The following RALGPS1 variants were observed in gnomAD, a reference collection of about 807,000 sequenced individuals.
RALGPS1 encodes the protein Ral GEF with PH domain and SH3 binding motif 1, also known as ras-specific guanine nucleotide-releasing factor RalGPS1.
A neutral mutation model predicts 78.8 loss-of-function variants in RALGPS1; 19 were observed. The observed-to-expected ratio is 0.24, with a 90% CI of 0.17 to 0.35. The LOEUF is 0.35. Among genes scored for constraint, RALGPS1 ranks in the 10% least tolerant of loss-of-function variants. The pLI is 1.00. For synonymous variants in RALGPS1, 228 were observed against 256.3 expected (o/e 0.89, Z 1.06); for missense variants, 454 against 688.3 (o/e 0.66, Z 3.81).
intron 8 of RALGPS1, among the ~76,000 whole-genome samples, chr9:127,075,922 A>G (rs777844387): frequency 6.6e-6 from 1 of 152,224 alleles, no homozygotes; most frequent in African/African-American, 2.4e-5. Flanking sequence ...TACTAACCAC[A>G]TGGGTGTGAT....
At chr9:127,087,554 A>G (rs2051909910) in intron 8 of RALGPS1, 1 of 152,602 alleles carries the variant, frequency 6.6e-6, no homozygotes, top group Admixed American at 6.5e-5. Flanking sequence ...CCCACCGGGA[A>G]GGGTCTCACC....
At chr9:127,174,681 G>A (rs1588332008) in intron 10 of RALGPS1, 34 bp from the exon 11 acceptor site, 1 of 1,604,284 alleles carries the variant, frequency 6.2e-7, no homozygotes, top group African/African-American at 1.3e-5. Flanking sequence ...GTAAACCAGA[G>A]CCCATCTGAT....
Position 127,026,514 on chromosome 9 carries a change from C to A in RALGPS1, c.217-7917C>A, listed in dbSNP as rs550269718. 9.8e-5 allele frequency among the ~76,000 whole-genome samples: 15 copies of A among 152,324 alleles called. No homozygotes were observed. In the East Asian group the frequency reaches 2.7e-3, roughly 27 times the overall value. On this transcript the variant is annotated intron_variant, in intron 4 of 18. Coordinates refer to ENST00000259351, the MANE Select transcript of RALGPS1 (RefSeq NM_014636.3). ...GTTGTAACAGTTTATATTTTATATA[C>A]AAGTCTCTTTTCTATCACATATTTG...
intron 8 of RALGPS1, among the ~76,000 whole-genome samples, chr9:127,149,470 A>G (rs1564668334): frequency 6.6e-6 from 1 of 152,248 alleles, no homozygotes; most frequent in Non-Finnish European, 1.5e-5. Context: ...TGGGCTATGA[A>G]TCAGACTTGT....
At chr9:126,955,497 A>G (rs1197860525) in intron 1 of RALGPS1, among the ~76,000 whole-genome samples, 5 of 152,204 alleles carry the variant, frequency 3.3e-5, no homozygotes, top group Non-Finnish European at 5.9e-5. Flanking sequence ...GCTCATAACT[A>G]CTTTGAAATT....
chr9:126,998,263 C>T (rs1285152237), intron 4 of RALGPS1, among the ~76,000 whole-genome samples: 10 of 152,116 alleles, frequency 6.6e-5, no homozygotes, highest in Non-Finnish European at 1.3e-4. Flanking sequence ...ACTTTTGCAA[C>T]CTACTCATCT....
rs2056218543 is a variant in RALGPS1, at chr9:127,122,481, C to T, written c.611-43588C>T. 2 of 152,572 alleles carry T rather than the reference C, an allele frequency of 1.3e-5. No homozygotes were observed. The highest frequency in any genetic ancestry group is 1.5e-5 in the Non-Finnish European group (1 of 68,346). 9.5% of individuals were successfully genotyped at this position (152,572 alleles called of 1,614,324 possible). A position where few individuals can be genotyped will look rare whatever the true frequency, so the allele number is the denominator to read the frequency against. On this transcript the variant is annotated intron_variant, in intron 8 of 18. Transcript: ENST00000259351. This position sits in a 1 kb window ranked among gnomAD's most constrained non-coding sequence, Gnocchi z 6.4. Reference sequence around the variant, plus strand: ...ACTGGCTCTGCCTCCACAGAGGGCTCCGGCAGAGGCTGGGGCCAGGGCTGG... The same window carrying T: ...ACTGGCTCTGCCTCCACAGAGGGCTTCGGCAGAGGCTGGGGCCAGGGCTGG...
chr9:126,956,291 C>T (rs1432921751), intron 1 of RALGPS1, among the ~76,000 whole-genome samples: 1 of 152,116 alleles, frequency 6.6e-6, no homozygotes, highest in Non-Finnish European at 1.5e-5. Flanking sequence ...AGTCTGCTCC[C>T]TGATACAGAA....
chr9:127,186,631 A>G (rs1014666010), intron 11 of RALGPS1, among the ~76,000 whole-genome samples: 1 of 152,224 alleles, frequency 6.6e-6, no homozygotes, highest in Admixed American at 6.5e-5. Flanking sequence ...GCCCAGTTGA[A>G]TGGGAATTCT....
chr9:127,040,439 G>A (rs925915498), intron 5 of RALGPS1, among the ~76,000 whole-genome samples: 5 of 152,118 alleles, frequency 3.3e-5, no homozygotes, highest in African/African-American at 1.2e-4. Flanking sequence ...AATGATAGGG[G>A]ATTGGTCTGC....
intron 4 of RALGPS1, among the ~76,000 whole-genome samples, chr9:126,983,786 T>A (rs1364005127): frequency 2.0e-5 from 3 of 152,248 alleles, no homozygotes; most frequent in Non-Finnish European, 4.4e-5. Flanking sequence ...CTTGGTGGTT[T>A]AACTTGTTCA....
intron 3 of RALGPS1, among the ~76,000 whole-genome samples, chr9:126,973,136 G>A (rs140309330): frequency 1.3e-5 from 2 of 152,126 alleles, no homozygotes; most frequent in Admixed American, 6.6e-5. Context: ...GGGAGGTTGT[G>A]GTGGGAGGAT....
Position 127,067,740 on chromosome 9 carries a change from T to C in RALGPS1, c.484-1490T>C, listed in dbSNP as rs78342368. Among the ~76,000 whole-genome samples, 753 of 152,334 alleles carry C rather than the reference T, an allele frequency of 4.9e-3. 19 individuals carry two copies. In the East Asian group the frequency reaches 0.075, roughly 15 times the overall value. The stretch of plus-strand genomic sequence containing the variant: ...CTGGGGCTTCTGTTTATTCATGCTC[T>C]TGGGCTTAGCCATTGACCTCCAATC... On this transcript the variant is annotated intron_variant, in intron 7 of 18. Coordinates refer to ENST00000259351, the MANE Select transcript of RALGPS1 (RefSeq NM_014636.3).
chr9:126,978,072 G>A (rs2040852612), intron 4 of RALGPS1: 1 of 217,302 alleles, frequency 4.6e-6, no homozygotes, highest in Admixed American at 5.8e-5. Flanking sequence ...AAGAAGTGAT[G>A]TGAGGGAACA....
chr9:127,137,289 A>C (rs2057465241), intron 8 of RALGPS1, among the ~76,000 whole-genome samples: 1 of 152,168 alleles, frequency 6.6e-6, no homozygotes, highest in South Asian at 2.1e-4. Context: ...GGCCCACTCT[A>C]GGCCAGTTGG....
intron 1 of RALGPS1, among the ~76,000 whole-genome samples, chr9:126,929,525 C>CACCGCA (rs1214800828): frequency 6.6e-6 from 1 of 150,466 alleles, no homozygotes; most frequent in Non-Finnish European, 1.5e-5. Context: ...GATCTTAGCT[C>CACCGCA]ACCGCAACCT....
intron 11 of RALGPS1, among the ~76,000 whole-genome samples, chr9:127,190,761 C>T (rs2060982796): frequency 6.6e-6 from 1 of 152,138 alleles, no homozygotes; most frequent in African/African-American, 2.4e-5. Context: ...AGAGTAAAAA[C>T]CTCAATTAGA....
intron 1 of RALGPS1, among the ~76,000 whole-genome samples, chr9:126,950,256 C>A (rs1444524386): frequency 6.6e-6 from 1 of 152,152 alleles, no homozygotes; most frequent in Non-Finnish European, 1.5e-5. Context: ...GTGATGCCTC[C>A]AGCTTTGTTC....
chr9:127,204,244 G>A (rs1428388656), intron 14 of RALGPS1, among the ~76,000 whole-genome samples: 2 of 152,194 alleles, frequency 1.3e-5, no homozygotes, highest in Non-Finnish European at 1.5e-5. Flanking sequence ...ATAGCTCACT[G>A]CAGCCTTGAT....
Sources: allele counts gnomAD v4.1 joint callset (sites outside exome capture counted in the v4.1 genomes callset), GRCh38; gene constraint gnomAD v4.1.1; non-coding constraint Gnocchi (gnomAD v3.1); transcripts MANE v1.5; gene names NCBI Gene and HGNC (gene_info 2026-07-23, HGNC 2026-07-21).